Variants in UGT1A7 observed in about 807,000 individuals in gnomAD.
UGT1A7 encodes the protein UDP glucuronosyltransferase family 1 member A7.
In UGT1A7, 33 loss-of-function variants were observed where a neutral mutation model predicts 45.6. That is an observed-to-expected ratio of 0.72 (90% CI 0.55 to 0.97). UGT1A7 has a LOEUF of 0.97. Among genes scored for constraint, UGT1A7 ranks in the 50% least tolerant of loss-of-function variants. UGT1A7 has a pLI of 0.00. For missense variants in UGT1A7, 684 were observed against 666.2 expected (o/e 1.03, Z -0.29); for synonymous variants, 274 against 250.6 (o/e 1.09, Z -0.88).
At chr2:233,701,218 C>A (rs1237228393) in intron 1 of UGT1A7, among the ~76,000 whole-genome samples, 1 of 152,080 alleles carries the variant, frequency 6.6e-6, no homozygotes, top group Non-Finnish European at 1.5e-5. Flanking sequence ...TATTTATAAT[C>A]CTTTGGGTAT....
At chr2:233,725,418 C>T (rs1426524230) in intron 1 of UGT1A7, among the ~76,000 whole-genome samples, 1 of 151,350 alleles carries the variant, frequency 6.6e-6, no homozygotes, top group Non-Finnish European at 1.5e-5. Flanking sequence ...CAGAATTGTC[C>T]AATAGAAATA....
chr2:233,753,461 T>C (rs1419895967), intron 1 of UGT1A7: 1 of 152,272 alleles, frequency 6.6e-6, no homozygotes, highest in Non-Finnish European at 1.5e-5. Context: ...ATGATTTTTC[T>C]GTAAAAAATT....
chr2:233,747,893 T>G (rs1693806794), intron 1 of UGT1A7: 1 of 1,613,576 alleles, frequency 6.2e-7, no homozygotes. Flanking sequence ...GCCATGCTCT[T>G]TCTGCTCCTT....
chr2:233,724,974 A>T (rs1313555521), intron 1 of UGT1A7, among the ~76,000 whole-genome samples: 1 of 135,272 alleles, frequency 7.4e-6, no homozygotes, highest in East Asian at 2.1e-4. Flanking sequence ...AGGTTGGCGG[A>T]TCACTCGCGG....
chr2:233,748,947 C>T (rs900612588), intron 1 of UGT1A7, among the ~76,000 whole-genome samples: 1 of 151,662 alleles, frequency 6.6e-6, no homozygotes. Context: ...CCCACCCTAT[C>T]CCACTCCAAG....
chr2:233,757,675 A>T (rs1397708687), intron 1 of UGT1A7, among the ~76,000 whole-genome samples: 1 of 151,408 alleles, frequency 6.6e-6, no homozygotes, highest in Non-Finnish European at 1.5e-5. Flanking sequence ...AATTCAAGGA[A>T]TTCAAGGGAT....
chr2:233,731,447 C>A (rs113893267), intron 1 of UGT1A7, among the ~76,000 whole-genome samples: 5,926 of 152,214 alleles, frequency 0.039, 357 homozygotes, highest in African/African-American at 0.13. Flanking sequence ...TCCCCCACCC[C>A]ACAACAGGCC....
intron 1 of UGT1A7, chr2:233,719,515 C>G (rs764297894): frequency 6.2e-7 from 1 of 1,613,842 alleles, no homozygotes; most frequent in Non-Finnish European, 8.5e-7. Context: ...GCCCCTTATG[C>G]AAGTCTTGCC....
In UGT1A7 at chr2:233,767,887, T is replaced by TG; in HGVS notation, c.1027dup (p.Ala343GlyfsTer8). ...ACACTGGAACCCGACCATCGAATCTTGCGAACAACACGATACTTGTTAAGT... is the reference window on the plus strand; with the variant it reads ...ACACTGGAACCCGACCATCGAATCTTGGCGAACAACACGATACTTGTTAAGT... On this transcript the variant is annotated frameshift_variant, in exon 3 of 5. Transcript: ENST00000373426. LOFTEE classifies it high-confidence loss of function. 2 of 1,614,208 alleles carry TG rather than the reference T, an allele frequency of 1.2e-6. No individual in the cohort carries two copies. Among genetic ancestry groups the TG allele is most frequent in the Non-Finnish European group, 8.5e-7 (1 of 1,180,046 alleles).
intron 1 of UGT1A7, among the ~76,000 whole-genome samples, chr2:233,762,481 T>G (rs948381917): frequency 6.6e-6 from 1 of 152,238 alleles, no homozygotes. Flanking sequence ...ATCACTCCAG[T>G]TTTAAATGCT....
chr2:233,695,130 CTTT>C (rs71398796), intron 1 of UGT1A7, among the ~76,000 whole-genome samples: 3 of 138,822 alleles, frequency 2.2e-5, no homozygotes, highest in Non-Finnish European at 3.1e-5. Context: ...CTTTTCTTTT[CTTT>C]TTTTTTTTTT....
chr2:233,729,232 A>T, intron 1 of UGT1A7: 1 of 1,614,202 alleles, frequency 6.2e-7, no homozygotes, highest in African/African-American at 1.3e-5. Flanking sequence ...GGTGGTGCCC[A>T]TTGATGGCAG....
intron 1 of UGT1A7, among the ~76,000 whole-genome samples, chr2:233,765,584 C>T (rs1030389138): frequency 7.2e-5 from 11 of 151,846 alleles, no homozygotes; most frequent in African/African-American, 4.8e-5. Flanking sequence ...GGGAGGGGAA[C>T]AACACACACC....
intron 1 of UGT1A7, among the ~76,000 whole-genome samples, chr2:233,719,880 G>C (rs28898611): frequency 0.021 from 3,198 of 152,256 alleles, 101 homozygotes; most frequent in African/African-American, 0.073. Context: ...GAAGAGGCAC[G>C]GATGAGGGTC....
At chr2:233,729,260 G>A (rs774974731) in intron 1 of UGT1A7, 12 of 1,613,974 alleles carry the variant, frequency 7.4e-6, no homozygotes, top group East Asian at 4.5e-5. Context: ...CTCAGCATGC[G>A]GGAGGTCTTG....
chr2:233,696,161 G>GA (rs943531214), intron 1 of UGT1A7, among the ~76,000 whole-genome samples: 5 of 151,944 alleles, frequency 3.3e-5, no homozygotes, highest in African/African-American at 4.8e-5. Context: ...ATATCCAAAA[G>GA]AAAAAAATAT....
At chr2:233,758,381 C>CTTATGTGT (rs1159437642) in intron 1 of UGT1A7, among the ~76,000 whole-genome samples, 1 of 152,202 alleles carries the variant, frequency 6.6e-6, no homozygotes, top group East Asian at 1.9e-4. Context: ...ACAGTGGTGA[C>CTTATGTGT]TTATGTGTTT....
rs1692921739 is a variant in UGT1A7 at position 233,744,781 on chromosome 2, G to GA, written c.856-22248dup. Among the ~76,000 whole-genome samples the GA allele has an allele frequency of 2.0e-5, 3 of 151,856 alleles. No individual in the cohort carries two copies. The South Asian group carries it at 6.2e-4, about 31-fold the overall frequency. On this transcript the variant is annotated intron_variant, in intron 1 of 4. Coordinates refer to ENST00000373426, the MANE Select transcript of UGT1A7 (RefSeq NM_019077.3). ...AGTTTTAACTTTGCAAAATTCTCCTGAAAAATTCTTGGGGATCCCTAGGAT... is the reference window on the plus strand; with the variant it reads ...AGTTTTAACTTTGCAAAATTCTCCTGAAAAAATTCTTGGGGATCCCTAGGAT...
intron 1 of UGT1A7, among the ~76,000 whole-genome samples, chr2:233,716,137 G>A (rs931964011): frequency 4.6e-5 from 7 of 152,042 alleles, no homozygotes; most frequent in African/African-American, 1.2e-4. Flanking sequence ...GAATTCCATG[G>A]CCCTTTTCCA....
Sources: allele counts gnomAD v4.1 joint callset (sites outside exome capture counted in the v4.1 genomes callset), GRCh38; gene constraint gnomAD v4.1.1; transcripts MANE v1.5; gene names NCBI Gene and HGNC (gene_info 2026-07-23, HGNC 2026-07-21).